The following CHD5 variants were observed in gnomAD, a reference collection of about 807,000 sequenced individuals.
The protein encoded by CHD5 is ATP-dependent chromatin remodeler CHD5.
A neutral mutation model predicts 230.3 loss-of-function variants in CHD5; 69 were observed. The ratio of observed to expected loss-of-function variants is 0.30; its 90% confidence interval spans 0.25 to 0.37. CHD5 has a LOEUF of 0.37. Among genes scored for constraint, CHD5 ranks in the 10% least tolerant of loss-of-function variants. The pLI is 1.00. For synonymous variants in CHD5, 1,064 were observed against 1,065.9 expected, an observed-to-expected ratio of 1.00 and a Z score of 0.03; for missense variants, 1,827 against 2,622.8, an observed-to-expected ratio of 0.70 and a Z score of 6.63.
chr1:6,113,293 ATGCGCCTGTGGTCCCACCTG>A (rs1237935862), intron 33 of CHD5: 2 of 416,542 alleles, frequency 4.8e-6, no homozygotes, highest in African/African-American at 4.1e-5. Context: ...GCTTGGCGCC[ATGCGCCTGTGGTCCCACCTG>A]TTCAGGAAGC....
intron 1 of CHD5, among the ~76,000 whole-genome samples, chr1:6,174,920 A>C (rs1315255999): frequency 7.1e-6 from 1 of 140,118 alleles, no homozygotes; most frequent in Non-Finnish European, 1.5e-5. Flanking sequence ...GGATGGATGG[A>C]TGGTGGATGA....
chr1:6,179,476 C>A (rs892508731), intron 1 of CHD5, among the ~76,000 whole-genome samples: 2 of 152,042 alleles, frequency 1.3e-5, no homozygotes, highest in African/African-American at 4.8e-5. Flanking sequence ...CTCTCTGGGC[C>A]CCACCCAGCC....
At chr1:6,147,951 TC>T (rs950757082) in intron 9 of CHD5, among the ~76,000 whole-genome samples, 1 of 151,328 alleles carries the variant, frequency 6.6e-6, no homozygotes, top group African/African-American at 2.4e-5. Flanking sequence ...CCTACCCCCA[TC>T]CCAGCCCCTC....
chr1:6,142,091 C>A lies in CHD5; in HGVS notation c.2436+37G>T. 1.3e-6 allele frequency: 2 copies of A among 1,579,104 alleles called. No individual in the cohort carries two copies. Among genetic ancestry groups the A allele is most frequent in the Non-Finnish European group, 1.7e-6 (2 of 1,149,218 alleles). On this transcript the variant is annotated intron_variant, in intron 15 of 41. Transcript: ENST00000262450. The surrounding 1 kb of genome is among the most constrained non-coding windows in gnomAD (Gnocchi z 5.2). The stretch of plus-strand genomic sequence containing the variant: ...CGTGGTCCCTGAACTAGACCGGGGG[C>A]CTTCCTACCGTCCTTCCAAGGATAG...
chr1:6,175,670 G>C (rs138033769), intron 1 of CHD5, among the ~76,000 whole-genome samples: 1 of 150,838 alleles, frequency 6.6e-6, no homozygotes, highest in South Asian at 2.1e-4. Context: ...TGGATAAGAA[G>C]AACAAGAACA....
At chr1:6,160,692 C>G (rs1287122109) in intron 2 of CHD5, among the ~76,000 whole-genome samples, 1 of 152,276 alleles carries the variant, frequency 6.6e-6, no homozygotes, top group African/African-American at 2.4e-5. Flanking sequence ...CCCACCTTCC[C>G]CCTCTCCCAC....
intron 33 of CHD5, among the ~76,000 whole-genome samples, chr1:6,120,175 T>C (rs1666446475): frequency 1.3e-5 from 2 of 152,068 alleles, no homozygotes; most frequent in African/African-American, 4.8e-5. Context: ...TGCATATAGT[T>C]AGAACCTTAA....
In CHD5 at chr1:6,125,005, G is replaced by A. The variant is rs1354945761; in HGVS notation, c.4394+95C>T. On this transcript the variant is annotated intron_variant, in intron 29 of 41. Transcript: ENST00000262450. The surrounding 1 kb of genome is among the most constrained non-coding windows in gnomAD (Gnocchi z 6.7). ...CTTTCCAGACGGCCTCATCCTGGCGGAAGCAAATGCTGCCCTCTGTGGGGC... is the reference window on the plus strand; with the variant it reads ...CTTTCCAGACGGCCTCATCCTGGCGAAAGCAAATGCTGCCCTCTGTGGGGC... 3.8e-6 allele frequency: 5 copies of A among 1,304,326 alleles called. No homozygotes were observed. Among genetic ancestry groups the A allele is most frequent in the Non-Finnish European group, 2.0e-6 (2 of 976,486 alleles). 80.8% of individuals were successfully genotyped at this position (1,304,326 alleles called of 1,614,324 possible). A position where few individuals can be genotyped will look rare whatever the true frequency, so the allele number is the denominator to read the frequency against.
intron 9 of CHD5, among the ~76,000 whole-genome samples, chr1:6,148,427 T>G (rs554308827): frequency 9.2e-5 from 14 of 152,326 alleles, no homozygotes; most frequent in African/African-American, 3.1e-4. Context: ...GTTCTGCCCT[T>G]GTGTGGCCTT....
chr1:6,112,412 A>G, intron 34 of CHD5, 135 bp from the exon 35 acceptor site: 1 of 1,129,022 alleles, frequency 8.9e-7, no homozygotes, highest in Non-Finnish European at 1.3e-6. Flanking sequence ...CGCTGCCCAG[A>G]AGGGTCTTAA....
At position 6,168,276 on chromosome 1, in the gene CHD5, T is replaced by G. The variant is rs926389285; in HGVS notation, c.81A>C (p.Glu27Asp). The G allele has an allele frequency of 3.8e-6, 6 of 1,591,300 alleles. No homozygotes were observed. In the South Asian group the frequency reaches 6.7e-5, roughly 18 times the overall value. ...EEMENEDEMS[E>D]EEDGGLEAFD... ...AGGCTTCAAGACCACCATCTTCTTC[T>G]TCTGGAAAAATCAGAAGGTGGCAGC... is the stretch of plus-strand genomic sequence containing the variant. Residue 27 changes from glutamate to aspartate, a missense_variant and splice_region_variant, in exon 2 of 42, where the codon GAA becomes GAC. By Grantham distance (45) the Glu-to-Asp change is conservative (BLOSUM62 2). Around this residue, in one of 14 missense-constraint regions of CHD5, gnomAD observed 113 missense variants for 91.9 expected, o/e 1.23. Coordinates refer to ENST00000262450, the MANE Select transcript of CHD5 (RefSeq NM_015557.3).
intron 1 of CHD5, among the ~76,000 whole-genome samples, chr1:6,173,298 G>A (rs1048176092): frequency 6.6e-6 from 1 of 151,876 alleles, no homozygotes; most frequent in South Asian, 2.1e-4. Flanking sequence ...TAGAGCCAGG[G>A]TTTCACCATG....
intron 6 of CHD5, among the ~76,000 whole-genome samples, 168 bp downstream of exon 6, chr1:6,152,244 T>C (rs1396226068): frequency 6.6e-6 from 1 of 152,176 alleles, no homozygotes; most frequent in Non-Finnish European, 1.5e-5. Context: ...ATGGAGAAAC[T>C]GAGGCCCAGC....
intron 33 of CHD5, among the ~76,000 whole-genome samples, chr1:6,116,720 T>A (rs1666383655): frequency 6.6e-6 from 1 of 152,230 alleles, no homozygotes; most frequent in Non-Finnish European, 1.5e-5. Flanking sequence ...TTGTACTAAC[T>A]ATTCAAGAGT....
chr1:6,124,393 T>C, intron 30 of CHD5, 124 bp downstream of exon 30: 3 of 1,159,046 alleles, frequency 2.6e-6, no homozygotes, highest in Non-Finnish European at 3.8e-6. Flanking sequence ...CTGGAGTGAC[T>C]CGGACCCTGG....
intron 15 of CHD5, among the ~76,000 whole-genome samples, chr1:6,137,734 C>A (rs959819746): frequency 2.6e-5 from 4 of 152,250 alleles, no homozygotes; most frequent in Non-Finnish European, 5.9e-5. Context: ...GAGAAAGGGA[C>A]CCTGCACTTG....
chr1:6,131,177 G>A lies in CHD5; in HGVS notation c.3262+454C>T, dbSNP rs1037417017. ...CAAGACCCTCCTGACCTCCACCCTC[G>A]CCTCTCCTTCCCAGGCAGGGAAGAC... On this transcript the variant is annotated intron_variant, in intron 21 of 41. Transcript: ENST00000262450. This position sits in a 1 kb window ranked among gnomAD's most constrained non-coding sequence, Gnocchi z 5.0. Among the ~76,000 whole-genome samples, 2 of 152,136 alleles carry A rather than the reference G, an allele frequency of 1.3e-5. No individual in the cohort carries two copies. The highest frequency in any genetic ancestry group is 2.9e-5 in the Non-Finnish European group (2 of 68,022).
chr1:6,150,642 G>A (rs921013756), intron 7 of CHD5, among the ~76,000 whole-genome samples: 3 of 152,126 alleles, frequency 2.0e-5, no homozygotes, highest in Admixed American at 6.5e-5. Context: ...GGAGGGAGAA[G>A]GAGGGATGGG....
rs1571179798 is a variant in CHD5, at chr1:6,179,965, T to C, written c.59A>G (p.Glu20Gly). ...CTCACCTGACATCTCGTCCTCATTC[T>C]CCATCTCCTCGGCGAACAGCCGCGG... ...ELPRLFAEEMENEDEMSEEED... is the reference protein window; with the variant it reads ...ELPRLFAEEMGNEDEMSEEED... The change falls in exon 1 of 42, where the codon GAG becomes GGG. Residue 20 changes from glutamate to glycine, a missense_variant. This residue lies in a region of CHD5 where 113 missense variants were observed against 91.9 expected (regional missense o/e 1.23). Transcript: ENST00000262450. The C allele has an allele frequency of 1.5e-6, 2 of 1,370,930 alleles. No homozygotes were observed. Among genetic ancestry groups the C allele is most frequent in the South Asian group, 2.7e-5 (2 of 75,154 alleles). 84.9% of individuals were successfully genotyped at this position (1,370,930 alleles called of 1,614,324 possible).
Sources: gnomAD v4.1 joint callset for allele counts (sites outside exome capture counted in the v4.1 genomes callset) on GRCh38, gnomAD v4.1.1 for gene constraint, gnomAD v4.1.1 regional missense constraint, Gnocchi (gnomAD v3.1) non-coding constraint, MANE v1.5 for transcripts, NCBI Gene and HGNC (gene_info 2026-07-23, HGNC 2026-07-21) for gene names.